The following SYCE1L variants were observed in gnomAD, a reference collection of about 807,000 sequenced individuals.
SYCE1L encodes the protein synaptonemal complex central element protein 1 like, also known as synaptonemal complex central element protein 1-like.
In SYCE1L, 51 loss-of-function variants were observed where a neutral mutation model predicts 39.6. That is an observed-to-expected ratio of 1.29 (90% CI 1.03 to 1.63). The LOEUF (loss-of-function observed/expected upper bound fraction) is 1.63. SYCE1L is among the 40% of genes most tolerant of loss of function. The pLI is 0.00. For missense variants in SYCE1L, 426 were observed against 304.9 expected, an observed-to-expected ratio of 1.40 and a Z score of -2.96; for synonymous variants, 147 against 122.4, an observed-to-expected ratio of 1.20 and a Z score of -1.33.
rs143669789 is a variant in SYCE1L, at chr16:77,202,759, C to T, written c.61+3247C>T. Among the ~76,000 whole-genome samples, 425 of 152,166 alleles carry T rather than the reference C, an allele frequency of 2.8e-3. 2 individuals are homozygous for T. The highest frequency in any genetic ancestry group is 9.8e-3 in the African/African-American group (406 of 41,526). On this transcript the variant is annotated intron_variant, in intron 1 of 10. Transcript: ENST00000378644. Reference sequence around the variant, plus strand: ...TTCTGGGAATAAAATGTCAAGAAGCCGGGGGCTTGCTTAAAAATAATTCAA... The same window carrying T: ...TTCTGGGAATAAAATGTCAAGAAGCTGGGGGCTTGCTTAAAAATAATTCAA...
rs2054837720 is a variant in SYCE1L at position 77,213,004 on chromosome 16, T to C, written c.*73T>C. ...AAATAAAGGCGATGATTTCCGACCATGCTCGCGTTCTCCGCGGAGTCTGTG... is the reference window on the plus strand; with the variant it reads ...AAATAAAGGCGATGATTTCCGACCACGCTCGCGTTCTCCGCGGAGTCTGTG... On this transcript the variant is annotated 3_prime_UTR_variant, in exon 11 of 11. Coordinates refer to ENST00000378644, the MANE Select transcript of SYCE1L (RefSeq NM_001129979.3). The C allele has an allele frequency of 2.2e-6, 3 of 1,382,774 alleles. No homozygotes were observed. The highest frequency in any genetic ancestry group is 2.6e-5 in the Admixed American group (1 of 38,454). The allele number at this position is 1,382,774 out of a possible 1,614,324, so 85.7% of individuals were successfully genotyped here. A position where few individuals can be genotyped will look rare whatever the true frequency, so the allele number is the denominator to read the frequency against.
intron 4 of SYCE1L, 127 bp from the exon 5 acceptor site, chr16:77,208,970 G>C (rs144621841): frequency 1.0e-6 from 1 of 981,972 alleles, no homozygotes; most frequent in East Asian, 2.6e-5. Flanking sequence ...TTGCAAGGGT[G>C]GCAAGAAGAT....
chr16:77,212,381 A>C lies in SYCE1L; in HGVS notation c.581+12A>C, dbSNP rs1418942300. On this transcript the variant is annotated intron_variant, in intron 9 of 10. Coordinates refer to ENST00000378644, the MANE Select transcript of SYCE1L (RefSeq NM_001129979.3). ...GCGGTGAATGACGGGTGAGAGGGGA[A>C]GGGAGGAGTGGGCGAGGAGGGCAGG... 8.5e-6 allele frequency: 13 copies of C among 1,527,650 alleles called. No homozygotes were observed. Among genetic ancestry groups the C allele is most frequent in the Non-Finnish European group, 8.8e-7 (1 of 1,138,750 alleles). 94.6% of individuals were successfully genotyped at this position (1,527,650 alleles called of 1,614,324 possible).
In SYCE1L at chr16:77,208,344, A is replaced by G. The variant is rs937108533; in HGVS notation, c.181+75A>G. On this transcript the variant is annotated intron_variant, in intron 3 of 10. Transcript: ENST00000378644. ...GGATTTATAATGAATCCACCTCCTCATCTATAAAATCTAGGCCCCTCTAGG... is the reference window on the plus strand; with the variant it reads ...GGATTTATAATGAATCCACCTCCTCGTCTATAAAATCTAGGCCCCTCTAGG... The G allele has an allele frequency of 3.2e-5, 49 of 1,539,238 alleles. 1 individual carries two copies. The Admixed American group carries it at 9.5e-4, about 30-fold the overall frequency.
At chr16:77,206,309 G>C in intron 1 of SYCE1L, 132 bp from the exon 2 acceptor site, 2 of 732,474 alleles carry the variant, frequency 2.7e-6, no homozygotes, top group Non-Finnish European at 4.5e-6. Flanking sequence ...GCTTCAGATG[G>C]AAACCTGTCT....
At chr16:77,203,421 CAA>C (rs56384724) in intron 1 of SYCE1L, among the ~76,000 whole-genome samples, 2 of 145,840 alleles carry the variant, frequency 1.4e-5, no homozygotes, top group Non-Finnish European at 1.5e-5. Flanking sequence ...GATTTCAGGC[CAA>C]AAAAAAAAGA....
At chr16:77,201,410 A>G (rs1161616796) in intron 1 of SYCE1L, 3 of 152,362 alleles carry the variant, frequency 2.0e-5, no homozygotes, top group African/African-American at 4.8e-5. Context: ...GGATGTATCA[A>G]GTTGCCATTT....
At chr16:77,210,020 C>G (rs2054811600) in intron 6 of SYCE1L, among the ~76,000 whole-genome samples, 1 of 152,228 alleles carries the variant, frequency 6.6e-6, no homozygotes, top group Non-Finnish European at 1.5e-5. Flanking sequence ...ATCTACCCTT[C>G]CTTTTAGCAA....
intron 1 of SYCE1L, chr16:77,200,291 T>TATATATATATATACACACACAC: frequency 1.8e-5 from 2 of 111,434 alleles, no homozygotes; most frequent in African/African-American, 6.7e-5. Context: ...TATATATATA[T>TATATATATATATACACACACAC]ACACACACTA....
chr16:77,205,433 A>AATATATATATATATATATATATGTATAT lies in SYCE1L; in HGVS notation c.62-992_62-991insATATATGTATATATATATATATATATAT, dbSNP rs145238524. On this transcript the variant is annotated intron_variant, in intron 1 of 10. Transcript: ENST00000378644. ...TCATGTTAAAATATACATAGAAGTA[A>AATATATATATATATATATATATGTATAT]ATATATATATATATATGTATACATA... 2.4e-3 allele frequency among the ~76,000 whole-genome samples: 353 copies of AATATATATATATATATATATATGTATAT among 145,278 alleles called. 1 individual carries two copies. Among genetic ancestry groups the AATATATATATATATATATATATGTATAT allele is most frequent in the South Asian group, 4.3e-3 (20 of 4,628 alleles).
chr16:77,208,590 A>AGTG (rs2054802148), intron 4 of SYCE1L, 51 bp downstream of exon 4: 1 of 1,526,986 alleles, frequency 6.5e-7, no homozygotes, highest in African/African-American at 1.4e-5. Flanking sequence ...GTTCCTGTGC[A>AGTG]TACCTCAGGG....
chr16:77,208,680 T>G, intron 4 of SYCE1L, 141 bp downstream of exon 4: 2 of 843,166 alleles, frequency 2.4e-6, no homozygotes, highest in Non-Finnish European at 3.7e-6. Context: ...TCATGTCATC[T>G]TTCAGCTCTC....
chr16:77,203,612 G>A (rs1212830102), intron 1 of SYCE1L, among the ~76,000 whole-genome samples: 1 of 35,102 alleles, frequency 2.8e-5, no homozygotes, highest in East Asian at 9.6e-4. Context: ...TTTTTTTTGA[G>A]ATGTAGTTTT....
At chr16:77,200,274 G>GTATATA (rs1229854135) in intron 1 of SYCE1L, 11 of 113,578 alleles carry the variant, frequency 9.7e-5, no homozygotes, top group African/African-American at 2.1e-4. Flanking sequence ...ATATATATGT[G>GTATATA]TATATATATA....
At chr16:77,212,544 C>T in intron 9 of SYCE1L, 30 bp from the exon 10 acceptor site, 1 of 1,537,038 alleles carries the variant, frequency 6.5e-7, no homozygotes, top group Non-Finnish European at 8.7e-7. Context: ...TCGCTCTCTT[C>T]CTCCTGTCTC....
At chr16:77,212,096 G>A (rs1044900005) in intron 7 of SYCE1L, 34 bp from the exon 8 acceptor site, 4 of 1,538,502 alleles carry the variant, frequency 2.6e-6, no homozygotes, top group Middle Eastern at 2.2e-4. Flanking sequence ...CAAGAGGACG[G>A]CCAAACGGGG....
chr16:77,212,657 C>A lies in SYCE1L; in HGVS notation c.654+11C>A. ...GCCGGCGAGGGAGAGGTAGGGAGCCCGAGGAAGGGAGGCGGGGCGGGCAGG... is the reference window on the plus strand; with the variant it reads ...GCCGGCGAGGGAGAGGTAGGGAGCCAGAGGAAGGGAGGCGGGGCGGGCAGG... On this transcript the variant is annotated intron_variant, in intron 10 of 10. Coordinates refer to ENST00000378644, the MANE Select transcript of SYCE1L (RefSeq NM_001129979.3). The A allele has an allele frequency of 6.5e-7, 1 of 1,529,086 alleles. No homozygotes were observed. The allele number at this position is 1,529,086 out of a possible 1,614,324, so 94.7% of individuals were successfully genotyped here.
At chr16:77,208,336 A>T in intron 3 of SYCE1L, 67 bp downstream of exon 3, 1 of 1,542,272 alleles carries the variant, frequency 6.5e-7, no homozygotes. Flanking sequence ...TAATGAATCC[A>T]CCTCCTCATC....
intron 6 of SYCE1L, 55 bp from the exon 7 acceptor site, chr16:77,211,158 C>G: frequency 6.5e-7 from 1 of 1,544,372 alleles, no homozygotes; most frequent in Non-Finnish European, 8.8e-7. Context: ...GAGGAGCCCC[C>G]AACAGGGTGT....
Sources: allele counts gnomAD v4.1 joint callset (sites outside exome capture counted in the v4.1 genomes callset), GRCh38; gene constraint gnomAD v4.1.1; transcripts MANE v1.5; gene names NCBI Gene and HGNC (gene_info 2026-07-23, HGNC 2026-07-21).